AOC1: variants seen among roughly 807,000 people sequenced by gnomAD.
AOC1 encodes diamine oxidase [copper-containing].
A neutral mutation model predicts 57.1 loss-of-function variants in AOC1; 58 were observed. The ratio of observed to expected loss-of-function variants is 1.02; its 90% CI spans 0.82 to 1.26. AOC1 has a LOEUF of 1.26. AOC1 is among the 50% of genes most tolerant of loss of function. The pLI, the probability that AOC1 is intolerant of heterozygous loss-of-function variation, is 0.00. For missense variants in AOC1, 917 were observed against 1,005.3 expected (o/e 0.91, Z 1.19); for synonymous variants, 401 against 423.4 (o/e 0.95, Z 0.65).
chr7:150,860,106 G>C (rs1799922558), intron 3 of AOC1, among the ~76,000 whole-genome samples: 1 of 151,896 alleles, frequency 6.6e-6, no homozygotes, highest in Non-Finnish European at 1.5e-5. Context: ...TTGAACCTGG[G>C]AGGCAGAGGT....
intron 3 of AOC1, among the ~76,000 whole-genome samples, chr7:150,860,276 GGC>G (rs1255988138): frequency 1.4e-5 from 2 of 140,738 alleles, no homozygotes; most frequent in African/African-American, 2.6e-5. Context: ...TGCTGTTCTG[GGC>G]CTGTGTCTCT....
At position 150,856,890 on chromosome 7, in the gene AOC1, G is replaced by A. The variant is rs747239145; in HGVS notation, c.420G>A (p.Ser140=). Reference sequence around the variant, plus strand: ...CTGGGTACCAGTCCTCCTGGGCATCGAGGCCCATCTCCACAGCAGAGTATG... The same window carrying A: ...CTGGGTACCAGTCCTCCTGGGCATCAAGGCCCATCTCCACAGCAGAGTATG... ...PRPGYQSSWA[S]RPISTAEYAL... is the part of the protein sequence containing the mutation. The change falls in exon 2 of 5, where the codon TCG becomes TCA. Residue 140 remains serine, a synonymous_variant. Coordinates refer to ENST00000360937, the MANE Select transcript of AOC1 (RefSeq NM_001091.4). This position sits in a 1 kb window ranked among gnomAD's most constrained non-coding sequence, Gnocchi z 5.2. The A allele has an allele frequency of 5.0e-6, 8 of 1,613,922 alleles. No individual in the cohort carries two copies. The highest frequency in any genetic ancestry group is 2.7e-5 in the African/African-American group (2 of 74,908).
intron 1 of AOC1, among the ~76,000 whole-genome samples, chr7:150,855,073 T>A (rs1799732413): frequency 6.6e-6 from 1 of 152,164 alleles, no homozygotes; most frequent in Non-Finnish European, 1.5e-5. Context: ...TCCAACCCAC[T>A]CATGCATCCA....
chr7:150,856,868 G>C lies in AOC1; in HGVS notation c.398G>C (p.Gly133Ala). The C allele has an allele frequency of 1.2e-6, 2 of 1,614,056 alleles. No individual in the cohort carries two copies. Among genetic ancestry groups the C allele is most frequent in the South Asian group, 2.2e-5 (2 of 91,076 alleles). ...CYMRALSPRP[G>A]YQSSWASRPI... ...ATGCGAGCACTGTCCCCCAGGCCTG[G>C]GTACCAGTCCTCCTGGGCATCGAGG... The change falls in exon 2 of 5, where the codon GGG (glycine) becomes GCG (alanine). Residue 133 changes from glycine (G) to alanine (A), a missense_variant. Coordinates refer to ENST00000360937, the MANE Select transcript of AOC1 (RefSeq NM_001091.4). The surrounding 1 kb of genome is among the most constrained non-coding windows in gnomAD (Gnocchi z 5.2).
In AOC1 at chr7:150,857,134, G is replaced by C; in HGVS notation, c.664G>C (p.Asp222His). The part of the protein sequence containing the change: ...LHPTGLELLV[D>H]HGSTDAGHWA... ...CCCCACTGGGCTGGAGCTCCTCGTGGATCATGGGAGCACAGATGCTGGGCA... is the reference window on the plus strand; with the variant it reads ...CCCCACTGGGCTGGAGCTCCTCGTGCATCATGGGAGCACAGATGCTGGGCA... The change falls in exon 2 of 5, where the codon GAT (aspartate) becomes CAT (histidine). Residue 222 changes from aspartate (D) to histidine (H), a missense_variant. Physicochemically the swap from Asp to His is moderately conservative, Grantham distance 81. Coordinates refer to ENST00000360937, the MANE Select transcript of AOC1 (RefSeq NM_001091.4). This position sits in a 1 kb window ranked among gnomAD's most constrained non-coding sequence, Gnocchi z 6.6. The C allele has an allele frequency of 6.2e-7, 1 of 1,613,998 alleles. No individual in the cohort carries two copies.
chr7:150,857,284 G>T lies in AOC1; in HGVS notation c.814G>T (p.Gly272Trp). ...VLEDPLPGGKGHDSTEEPPLF... is the reference protein window; with the variant it reads ...VLEDPLPGGKWHDSTEEPPLF... ...GGAGGACCCGCTGCCTGGGGGCAAG[G>T]GGCATGACAGCACAGAGGAGCCGCC... is the stretch of plus-strand genomic sequence containing the variant. The change falls in exon 2 of 5, where the codon GGG (glycine) becomes TGG (tryptophan). Residue 272 changes from glycine to tryptophan, a missense_variant. Transcript: ENST00000360937. This position sits in a 1 kb window ranked among gnomAD's most constrained non-coding sequence, Gnocchi z 6.6. The T allele has an allele frequency of 6.2e-7, 1 of 1,606,340 alleles. No individual in the cohort carries two copies. Among genetic ancestry groups the T allele is most frequent in the Non-Finnish European group, 8.5e-7 (1 of 1,175,926 alleles).
rs1188680054 is a variant in AOC1, at chr7:150,856,199, T to G, written c.-16-256T>G. Among the ~76,000 whole-genome samples the G allele has an allele frequency of 6.6e-6, 1 of 151,952 alleles. No individual in the cohort carries two copies. Among genetic ancestry groups the G allele is most frequent in the Non-Finnish European group, 1.5e-5 (1 of 67,968 alleles). On this transcript the variant is annotated intron_variant, in intron 1 of 4. Coordinates refer to ENST00000360937, the MANE Select transcript of AOC1 (RefSeq NM_001091.4). This position sits in a 1 kb window ranked among gnomAD's most constrained non-coding sequence, Gnocchi z 5.2. Reference sequence around the variant, plus strand: ...ACAAAAACAAGGGTGTTCCCCTGAGTAAGGAAGGCTGCAGGACTGAAGGAC... The same window carrying G: ...ACAAAAACAAGGGTGTTCCCCTGAGGAAGGAAGGCTGCAGGACTGAAGGAC...
intron 2 of AOC1, 146 bp from the exon 3 acceptor site, chr7:150,858,617 A>G: frequency 1.1e-6 from 1 of 879,894 alleles, no homozygotes; most frequent in Non-Finnish European, 1.7e-6. Context: ...GAATCACCAC[A>G]GCCGCCCAGG....
At position 150,858,936 on chromosome 7, in the gene AOC1, C is replaced by A; in HGVS notation, c.1744C>A (p.Pro582Thr). 6.2e-7 allele frequency: 1 copy of A among 1,611,802 alleles called. No homozygotes were observed. The highest frequency in any genetic ancestry group is 8.5e-7 in the Non-Finnish European group (1 of 1,178,768). ...GCCTAAGTACCTGCTCTTTACCAGCCCCCAGGAGAACCCCTGGGGCCACAA... is the reference window on the plus strand; with the variant it reads ...GCCTAAGTACCTGCTCTTTACCAGCACCCAGGAGAACCCCTGGGGCCACAA... ...KLPKYLLFTS[P>T]QENPWGHKRT... is the part of the protein sequence containing the mutation. Residue 582 changes from proline to threonine, a missense_variant, in exon 3 of 5, where the codon CCC (proline) becomes ACC (threonine). By Grantham distance (38) the Pro-to-Thr change is conservative. Coordinates refer to ENST00000360937, the MANE Select transcript of AOC1 (RefSeq NM_001091.4).
Position 150,857,688 on chromosome 7 carries a change from C to T in AOC1, c.1218C>T (p.Ala406=), listed in dbSNP as rs1799831988. ...TGGACACTTTCCACTACTATGATGC[C>T]GATGACCCGGTCCATTATCCCCGAG... The part of the protein sequence containing the change: ...TFLDTFHYYD[A]DDPVHYPRAL... The change falls in exon 2 of 5, where the codon GCC becomes GCT. Residue 406 remains alanine, a synonymous_variant. Coordinates refer to ENST00000360937, the MANE Select transcript of AOC1 (RefSeq NM_001091.4). The surrounding 1 kb of genome is among the most constrained non-coding windows in gnomAD (Gnocchi z 6.6). 2.5e-6 allele frequency: 4 copies of T among 1,614,092 alleles called. No individual in the cohort carries two copies. Among genetic ancestry groups the T allele is most frequent in the Middle Eastern group, 1.6e-4 (1 of 6,062 alleles).
In AOC1 at chr7:150,856,611, C is replaced by T; in HGVS notation, c.141C>T (p.Phe47=). The change falls in exon 2 of 5, where the codon TTC becomes TTT. Residue 47 remains phenylalanine (F), a synonymous_variant. Transcript: ENST00000360937. The surrounding 1 kb of genome is among the most constrained non-coding windows in gnomAD (Gnocchi z 5.2). ...AAGAGCTGAAGGCAGTGCACAGCTT[C>T]CTCTGGTCCAAGAAGGAGCTGAGGC... ...SNQELKAVHS[F]LWSKKELRLQ... is the part of the protein sequence containing the mutation. 1 of 1,614,142 alleles carries T rather than the reference C, an allele frequency of 6.2e-7. No individual in the cohort carries two copies. Among genetic ancestry groups the T allele is most frequent in the Non-Finnish European group, 8.5e-7 (1 of 1,179,996 alleles).
In AOC1 at chr7:150,856,475, C is replaced by T. The variant is rs547057578; in HGVS notation, c.5C>T (p.Pro2Leu). 1.9e-5 allele frequency: 30 copies of T among 1,611,256 alleles called. No individual in the cohort carries two copies. The Admixed American group carries it at 3.9e-4, about 21-fold the overall frequency. Residue 2 changes from proline (P) to leucine (L), a missense_variant, in exon 2 of 5, where the codon CCG (proline) becomes CTG (leucine). Coordinates refer to ENST00000360937, the MANE Select transcript of AOC1 (RefSeq NM_001091.4). The surrounding 1 kb of genome is among the most constrained non-coding windows in gnomAD (Gnocchi z 5.2). The stretch of plus-strand genomic sequence containing the variant: ...TCCAGAGCCGTGGAGCGAGAGATGC[C>T]GGCCCTGGGCTGGGCCGTGGCTGCC... Reference protein sequence around the residue: MPALGWAVAAIL... With the variant: MLALGWAVAAIL...
intron 1 of AOC1, among the ~76,000 whole-genome samples, chr7:150,855,761 T>G (rs1369037088): frequency 6.6e-6 from 1 of 152,238 alleles, no homozygotes; most frequent in Non-Finnish European, 1.5e-5. Context: ...GCAGCTAACA[T>G]TTCTCATGTA....
Position 150,857,561 on chromosome 7 carries a change from C to A in AOC1, c.1091C>A (p.Pro364His). The change falls in exon 2 of 5, where the codon CCT becomes CAT. Residue 364 changes from proline to histidine, a missense_variant. Pro to His is a moderately conservative substitution (Grantham distance 77). Transcript: ENST00000360937. This position sits in a 1 kb window ranked among gnomAD's most constrained non-coding sequence, Gnocchi z 6.6. The stretch of plus-strand genomic sequence containing the variant: ...GTGGCGCTGTATGGAGGACACACAC[C>A]TGCAGGCATGCAGACCAAGTACCTC... The part of the protein sequence containing the change: ...EAVALYGGHT[P>H]AGMQTKYLDV... 1.2e-6 allele frequency: 2 copies of A among 1,614,044 alleles called. No homozygotes were observed. Among genetic ancestry groups the A allele is most frequent in the Non-Finnish European group, 1.7e-6 (2 of 1,180,000 alleles).
chr7:150,855,644 C>T (rs1048135811), intron 1 of AOC1, among the ~76,000 whole-genome samples: 7 of 152,174 alleles, frequency 4.6e-5, no homozygotes, highest in African/African-American at 1.7e-4. Context: ...GGCACCTCTA[C>T]CTCACCCCCA....
chr7:150,853,925 G>A (rs762290778), intron 1 of AOC1: 1 of 152,148 alleles, frequency 6.6e-6, no homozygotes, highest in Non-Finnish European at 1.5e-5. Flanking sequence ...CAGAGGCTGA[G>A]GCAGGAGAAT....
Position 150,859,008 on chromosome 7 carries a change from C to T in AOC1, c.1816C>T (p.Pro606Ser). Residue 606 changes from proline to serine, a missense_variant, in exon 3 of 5, where the codon CCC (proline) becomes TCC (serine). Physicochemically the swap from Pro to Ser is moderately conservative, Grantham distance 74 (BLOSUM62 -1). Transcript: ENST00000360937. The part of the protein sequence containing the change: ...QIHSMADQVL[P>S]PGWQEEQAIT... ...CCACTCCATGGCCGACCAGGTGCTG[C>T]CCCCAGGCTGGCAGGAGGAGCAGGC... is the stretch of plus-strand genomic sequence containing the variant. The T allele has an allele frequency of 6.3e-7, 1 of 1,587,264 alleles. No homozygotes were observed. Among genetic ancestry groups the T allele is most frequent in the South Asian group, 1.1e-5 (1 of 89,248 alleles).
intron 1 of AOC1, among the ~76,000 whole-genome samples, chr7:150,855,701 C>T (rs113655374): frequency 2.0e-5 from 3 of 152,162 alleles, no homozygotes; most frequent in African/African-American, 4.8e-5. Flanking sequence ...CTCTACATTG[C>T]GTAAAACTTT....
intron 1 of AOC1, among the ~76,000 whole-genome samples, chr7:150,855,725 T>C (rs1339413997): frequency 6.6e-6 from 1 of 152,174 alleles, no homozygotes; most frequent in East Asian, 1.9e-4. Flanking sequence ...TGGGCTGGTG[T>C]CGATAGCCTG....
Sources: allele counts gnomAD v4.1 joint callset (sites outside exome capture counted in the v4.1 genomes callset), GRCh38; gene constraint gnomAD v4.1.1; non-coding constraint Gnocchi (gnomAD v3.1); transcripts MANE v1.5; gene names NCBI Gene and HGNC (gene_info 2026-07-23, HGNC 2026-07-21).